Variants in AGRN observed in about 807,000 individuals in gnomAD.
AGRN encodes agrin proteoglycan.
AGRN carries 106 observed loss-of-function variants against 211.0 expected under a neutral mutation model. The ratio of observed to expected loss-of-function variants is 0.50; its 90% confidence interval spans 0.43 to 0.59. AGRN has a LOEUF of 0.59. Among genes scored for constraint, AGRN ranks in the 20% least tolerant of loss-of-function variants. The pLI is 0.00. For missense variants in AGRN, 3,040 were observed against 2,982.6 expected, an observed-to-expected ratio of 1.02 and a Z score of -0.45; for synonymous variants, 1,525 against 1,332.5, an observed-to-expected ratio of 1.14 and a Z score of -3.15.
chr1:1,028,592 C>T (rs909952761), intron 2 of AGRN, among the ~76,000 whole-genome samples: 10 of 124,986 alleles, frequency 8.0e-5, no homozygotes, highest in Non-Finnish European at 1.7e-4. Flanking sequence ...CCCAGCCCCT[C>T]GTGGGCCAAG....
At chr1:1,033,896 G>A (rs1644735340) in intron 2 of AGRN, among the ~76,000 whole-genome samples, 1 of 149,608 alleles carries the variant, frequency 6.7e-6, no homozygotes, top group African/African-American at 2.5e-5. Context: ...GTCCGCATCC[G>A]CCCGATCCTC....
intron 3 of AGRN, among the ~76,000 whole-genome samples, chr1:1,036,007 G>C (rs1356489579): frequency 6.6e-6 from 1 of 152,156 alleles, no homozygotes; most frequent in Non-Finnish European, 1.5e-5. Flanking sequence ...ACACAGACGG[G>C]GGGACCGGTG....
rs924085661 is a variant in AGRN, at chr1:1,048,413, G to A, written c.4105+48G>A. 12 of 819,358 alleles carry A rather than the reference G, an allele frequency of 1.5e-5. No homozygotes were observed. The highest frequency in any genetic ancestry group is 1.4e-4 in the African/African-American group (8 of 57,874). The allele number at this position is 819,358 out of a possible 1,614,324, so 50.8% of individuals were successfully genotyped here. On this transcript the variant is annotated intron_variant, in intron 23 of 35. Coordinates refer to ENST00000379370, the MANE Select transcript of AGRN (RefSeq NM_198576.4). The surrounding 1 kb of genome is among the most constrained non-coding windows in gnomAD (Gnocchi z 5.9). The stretch of plus-strand genomic sequence containing the variant: ...AGGGCGGGGAGGCAGCAGGGTGGGG[G>A]CAAGGATTGGGGGTGGGGCTAAGCC...
chr1:1,022,688 C>T (rs1223818803), intron 2 of AGRN, among the ~76,000 whole-genome samples: 1 of 152,238 alleles, frequency 6.6e-6, no homozygotes, highest in Non-Finnish European at 1.5e-5. Context: ...CAAGGCAAGT[C>T]CCAGCCCTGC....
At chr1:1,050,126 T>C in intron 27 of AGRN, 89 bp downstream of exon 27, 2 of 1,584,664 alleles carry the variant, frequency 1.3e-6, no homozygotes, top group Non-Finnish European at 1.7e-6. Context: ...GCAGTTAGGA[T>C]GCGGCTCAGT....
chr1:1,050,114 T>G, intron 27 of AGRN, 77 bp downstream of exon 27: 1 of 1,581,576 alleles, frequency 6.3e-7, no homozygotes, highest in Non-Finnish European at 8.6e-7. Flanking sequence ...CCAGGTAGCA[T>G]TGCAGTTAGG....
rs754488616 is a variant in AGRN, at chr1:1,041,626, C to T, written c.1101C>T (p.Asp367=). 2.5e-6 allele frequency: 4 copies of T among 1,611,354 alleles called. No individual in the cohort carries two copies. The highest frequency in any genetic ancestry group is 1.3e-5 in the African/African-American group (1 of 74,894). ...ACGACGGAGTCACCTACGAAAACGA[C>T]TGTGTCATGGGCCGATCGGGGGCCG... ...CGDDGVTYEN[D]CVMGRSGAAR... Residue 367 remains aspartate, a synonymous_variant, in exon 6 of 36, where the codon GAC becomes GAT. Transcript: ENST00000379370.
Position 1,045,278 on chromosome 1 carries a change from G to T in AGRN, c.2371+1G>T, listed in dbSNP as rs753588255. On this transcript the variant is annotated splice_donor_variant, in intron 13 of 35. Coordinates refer to ENST00000379370, the MANE Select transcript of AGRN (RefSeq NM_198576.4). LOFTEE classifies it high-confidence loss of function. ...GGCGTGGGCCTGGCTGGCTGCCCCA[G>T]TGAGTACCTGAGCTCAGCCCCGACC... The T allele has an allele frequency of 4.3e-6, 7 of 1,611,668 alleles. No homozygotes were observed. The highest frequency in any genetic ancestry group is 3.3e-4 in the Middle Eastern group (2 of 6,064).
intron 2 of AGRN, among the ~76,000 whole-genome samples, chr1:1,030,435 T>C (rs371503815): frequency 6.5e-5 from 4 of 61,808 alleles, no homozygotes; most frequent in Non-Finnish European, 6.0e-5. Context: ...GTGTGTGCAG[T>C]GCATGGTGCT....
In AGRN at chr1:1,045,627, C is replaced by T. The variant is rs538246487; in HGVS notation, c.2536+104C>T. On this transcript the variant is annotated intron_variant, in intron 14 of 35. Transcript: ENST00000379370. ...TGCCCAGGCCCTGGCCTGACCCACA[C>T]CTGGCTGGGGGCTGGGCAGAGCCAG... is the stretch of plus-strand genomic sequence containing the variant. 2.0e-5 allele frequency: 32 copies of T among 1,606,686 alleles called. 1 individual carries two copies. The South Asian group carries it at 3.1e-4, about 15-fold the overall frequency.
At chr1:1,027,757 G>A (rs1329822288) in intron 2 of AGRN, among the ~76,000 whole-genome samples, 1 of 152,150 alleles carries the variant, frequency 6.6e-6, no homozygotes, top group East Asian at 1.9e-4. Flanking sequence ...GGGCAGCAGG[G>A]CAGTCTGGGA....
chr1:1,045,509 G>A lies in AGRN; in HGVS notation c.2522G>A (p.Arg841Gln), dbSNP rs756103278. 2.4e-5 allele frequency: 38 copies of A among 1,612,814 alleles called. No individual in the cohort carries two copies. Among genetic ancestry groups the A allele is most frequent in the Admixed American group, 3.3e-5 (2 of 60,022 alleles). The change falls in exon 14 of 36, where the codon CGG becomes CAG. Residue 841 changes from arginine (R) to glutamine (Q), a missense_variant. Physicochemically the swap from Arg to Gln is conservative, Grantham distance 43. Transcript: ENST00000379370. ...WNFRGIVTDG[R>Q]SGCTPCSCDP... ...TTTCGAGGCATCGTCACCGATGGCC[G>A]GAGTGGCTGTACACGTGAGTGACAG...
Position 1,040,736 on chromosome 1 carries a change from T to C in AGRN, c.583T>C (p.Cys195Arg). 2 of 1,545,238 alleles carry C rather than the reference T, an allele frequency of 1.3e-6. No individual in the cohort carries two copies. Among genetic ancestry groups the C allele is most frequent in the Non-Finnish European group, 1.7e-6 (2 of 1,147,128 alleles). ...CGCGGAGGGGCCGGGCCGGGCGTCCTGCGTCTGCAAGAAGAGCCCGTGCCC... is the reference window on the plus strand; with the variant it reads ...CGCGGAGGGGCCGGGCCGGGCGTCCCGCGTCTGCAAGAAGAGCCCGTGCCC... ...PNAEGPGRASCVCKKSPCPSV... is the reference protein window; with the variant it reads ...PNAEGPGRASRVCKKSPCPSV... Residue 195 changes from cysteine (C) to arginine (R), a missense_variant, in exon 4 of 36, where the codon TGC becomes CGC. Physicochemically the swap from Cys to Arg is radical, Grantham distance 180. Transcript: ENST00000379370.
chr1:1,044,367 G>A lies in AGRN; in HGVS notation c.2182G>A (p.Glu728Lys), dbSNP rs757879583. 29 of 1,612,634 alleles carry A rather than the reference G, an allele frequency of 1.8e-5. No homozygotes were observed. Among genetic ancestry groups the A allele is most frequent in the African/African-American group, 1.6e-4 (12 of 74,904 alleles). ...CGSDGVTYSTECELKKARCES... is the reference protein window; with the variant it reads ...CGSDGVTYSTKCELKKARCES... ...CTCAGATGGGGTCACCTACAGCACC[G>A]AGTGTGAGCTGAAGAAGGCCAGGTG... Residue 728 changes from glutamate to lysine, a missense_variant, in exon 12 of 36, where the codon GAG becomes AAG. By Grantham distance (56) the Glu-to-Lys change is moderately conservative (BLOSUM62 1). Coordinates refer to ENST00000379370, the MANE Select transcript of AGRN (RefSeq NM_198576.4).
Position 1,040,842 on chromosome 1 carries a change from A to G in AGRN, c.689A>G (p.Gln230Arg), listed in dbSNP as rs767155884. Residue 230 changes from glutamine to arginine, a missense_variant, in exon 4 of 36, where the codon CAG becomes CGG. Transcript: ENST00000379370. ...ECELQRAQCS[Q>R]QRRIRLLSRG... Reference sequence around the variant, plus strand: ...GAGCTGCAGCGGGCGCAGTGCAGCCAGCAGCGCCGCATCCGCCTGCTCAGC... The same window carrying G: ...GAGCTGCAGCGGGCGCAGTGCAGCCGGCAGCGCCGCATCCGCCTGCTCAGC... 2.6e-6 allele frequency: 4 copies of G among 1,532,736 alleles called. No individual in the cohort carries two copies. Among genetic ancestry groups the G allele is most frequent in the Admixed American group, 2.0e-5 (1 of 50,876 alleles). The allele number at this position is 1,532,736 out of a possible 1,614,324, so 94.9% of individuals were successfully genotyped here.
chr1:1,045,200 A>G lies in AGRN; in HGVS notation c.2294A>G (p.His765Arg), dbSNP rs373722523. The change falls in exon 13 of 36, where the codon CAC becomes CGC. Residue 765 changes from histidine (H) to arginine (R), a missense_variant. Physicochemically the swap from His to Arg is conservative, Grantham distance 29 (BLOSUM62 0). Coordinates refer to ENST00000379370, the MANE Select transcript of AGRN (RefSeq NM_198576.4). ...CCGCTGCCGCCTGTGGCCCCCTTAC[A>G]CTGTGCCCAGACGCCCTACGGCTGC... ...FAPLPPVAPL[H>R]CAQTPYGCCQ... 1.8e-5 allele frequency: 29 copies of G among 1,612,488 alleles called. No homozygotes were observed. The highest frequency in any genetic ancestry group is 3.3e-4 in the Middle Eastern group (2 of 5,996).
chr1:1,047,846 C>G lies in AGRN; in HGVS notation c.3702C>G (p.Ser1234=). Residue 1234 remains serine (S), a synonymous_variant, in exon 22 of 36, where the codon TCC becomes TCG. Coordinates refer to ENST00000379370, the MANE Select transcript of AGRN (RefSeq NM_198576.4). ...LRQIQVSRRR[S]LGVRRPLQEH... Reference sequence around the variant, plus strand: ...AGATCCAGGTGTCCAGGCGCCGGTCCTTGGGGGTGAGGCGGCCGCTGCAGG... The same window carrying G: ...AGATCCAGGTGTCCAGGCGCCGGTCGTTGGGGGTGAGGCGGCCGCTGCAGG... 6.2e-7 allele frequency: 1 copy of G among 1,605,984 alleles called. No homozygotes were observed. The highest frequency in any genetic ancestry group is 8.5e-7 in the Non-Finnish European group (1 of 1,177,048).
Position 1,047,578 on chromosome 1 carries a change from C to T in AGRN, c.3522C>T (p.Asp1174=), listed in dbSNP as rs374008359. Reference sequence around the variant, plus strand: ...TTGCCTACTCCCTGCCACAGCTGGACGACCTCTTCCGGAATTCAGACGTCA... The same window carrying T: ...TTGCCTACTCCCTGCCACAGCTGGATGACCTCTTCCGGAATTCAGACGTCA... ...ETARSIESTL[D]DLFRNSDVKK... Residue 1174 remains aspartate (D), a synonymous_variant, in exon 21 of 36, where the codon GAC becomes GAT. Transcript: ENST00000379370. 5.8e-5 allele frequency: 93 copies of T among 1,612,932 alleles called. 1 individual carries two copies. Among genetic ancestry groups the T allele is most frequent in the South Asian group, 4.7e-4 (43 of 91,090 alleles).
chr1:1,024,778 G>A (rs1000124672), intron 2 of AGRN, among the ~76,000 whole-genome samples: 1 of 152,090 alleles, frequency 6.6e-6, no homozygotes, highest in African/African-American at 2.4e-5. Flanking sequence ...CCCTCAGAAA[G>A]GCTCCTCCCC....
Sources: gnomAD v4.1 joint callset for allele counts (sites outside exome capture counted in the v4.1 genomes callset) on GRCh38, gnomAD v4.1.1 for gene constraint, Gnocchi (gnomAD v3.1) non-coding constraint, MANE v1.5 for transcripts, NCBI Gene and HGNC (gene_info 2026-07-23, HGNC 2026-07-21) for gene names.